Variants in TSPAN4 observed in about 807,000 individuals in gnomAD.
TSPAN4 encodes the protein tetraspanin-4.
Under a neutral mutation model 31.5 loss-of-function variants are expected in TSPAN4, and 38 were observed. The observed-to-expected ratio is 1.21, with a 90% confidence interval of 0.93 to 1.58. The LOEUF (loss-of-function observed/expected upper bound fraction) is 1.58, where lower values mean the gene tolerates loss of function less well. TSPAN4 is among the 40% of genes most tolerant of loss of function. The pLI, the probability that TSPAN4 is intolerant of heterozygous loss-of-function variation, is 0.00. For synonymous variants in TSPAN4, 186 were observed against 144.6 expected, an observed-to-expected ratio of 1.29 and a Z score of -2.06; for missense variants, 330 against 317.3, an observed-to-expected ratio of 1.04 and a Z score of -0.30.
chr11:852,156 C>A (rs1303210342), intron 3 of TSPAN4, among the ~76,000 whole-genome samples: 1 of 152,172 alleles, frequency 6.6e-6, no homozygotes, highest in Non-Finnish European at 1.5e-5. Flanking sequence ...GAGATAGAGT[C>A]TTGCTCTGTC....
rs569945154 is a variant in TSPAN4 at position 866,844 on chromosome 11, G to T, written c.*214G>T. On this transcript the variant is annotated 3_prime_UTR_variant, in exon 9 of 9. Coordinates refer to ENST00000397397, the MANE Select transcript of TSPAN4 (RefSeq NM_003271.5). ...GACCCCCCCTGGGAGGGGTGGCCAC[G>T]TGCTGGCTGCGGAACCCAGGGCAGG... 5.6e-6 allele frequency: 3 copies of T among 537,406 alleles called. No homozygotes were observed. In the East Asian group the frequency reaches 9.4e-5, roughly 17 times the overall value. The allele number at this position is 537,406 out of a possible 1,614,324, so 33.3% of individuals were successfully genotyped here. A position where few individuals can be genotyped will look rare whatever the true frequency, so the allele number is the denominator to read the frequency against.
intron 5 of TSPAN4, 58 bp downstream of exon 5, chr11:864,569 C>T: frequency 3.8e-6 from 6 of 1,596,712 alleles, no homozygotes; most frequent in Non-Finnish European, 5.1e-6. Context: ...TCCTCACTCC[C>T]AGGGAGCACT....
In TSPAN4 at chr11:864,504, C is replaced by A. The variant is rs373247920; in HGVS notation, c.323C>A (p.Thr108Lys). 1.2e-6 allele frequency: 2 copies of A among 1,612,384 alleles called. No homozygotes were observed. The highest frequency in any genetic ancestry group is 1.7e-6 in the Non-Finnish European group (2 of 1,179,942). ...ATIAILFFAY[T>K]DKIDRYAQQD... ...ATCGCCATCCTCTTCTTCGCCTACACGGACAAGGTACGGCTGCCTTGGCCG... is the reference window on the plus strand; with the variant it reads ...ATCGCCATCCTCTTCTTCGCCTACAAGGACAAGGTACGGCTGCCTTGGCCG... Residue 108 changes from threonine to lysine, a missense_variant, in exon 5 of 9, where the codon ACG becomes AAG. Thr to Lys is a moderately conservative substitution (Grantham distance 78). Coordinates refer to ENST00000397397, the MANE Select transcript of TSPAN4 (RefSeq NM_003271.5).
intron 8 of TSPAN4, among the ~76,000 whole-genome samples, chr11:866,215 G>T (rs1377501327): frequency 1.3e-5 from 2 of 152,156 alleles, no homozygotes; most frequent in African/African-American, 4.8e-5. Flanking sequence ...GGTGTGGGGT[G>T]GAGGCCGGTG....
rs550150061 is a variant in TSPAN4, at chr11:866,826, C to A, written c.*196C>A. On this transcript the variant is annotated 3_prime_UTR_variant, in exon 9 of 9. Coordinates refer to ENST00000397397, the MANE Select transcript of TSPAN4 (RefSeq NM_003271.5). Reference sequence around the variant, plus strand: ...GTGGCTTCAGGGCCTCCGGACCCCCCCTGGGAGGGGTGGCCACGTGCTGGC... The same window carrying A: ...GTGGCTTCAGGGCCTCCGGACCCCCACTGGGAGGGGTGGCCACGTGCTGGC... The A allele has an allele frequency of 5.2e-6, 3 of 576,082 alleles. No individual in the cohort carries two copies. Among genetic ancestry groups the A allele is most frequent in the Non-Finnish European group, 8.9e-6 (3 of 338,030 alleles). The allele number at this position is 576,082 out of a possible 1,614,324, so 35.7% of individuals were successfully genotyped here.
intron 3 of TSPAN4, among the ~76,000 whole-genome samples, chr11:860,025 C>T (rs962355567): frequency 1.3e-5 from 2 of 152,156 alleles, no homozygotes; most frequent in South Asian, 2.1e-4. Context: ...GGGCTCTGGG[C>T]GTGGGTGTCA....
intron 1 of TSPAN4, among the ~76,000 whole-genome samples, chr11:845,215 C>A (rs1216704331): frequency 1.3e-5 from 2 of 152,208 alleles, no homozygotes; most frequent in Non-Finnish European, 2.9e-5. Flanking sequence ...TGTGTGCTCA[C>A]CCCCAGGGTG....
chr11:849,651 C>T (rs1261840232), intron 2 of TSPAN4, among the ~76,000 whole-genome samples: 1 of 151,620 alleles, frequency 6.6e-6, no homozygotes, highest in Non-Finnish European at 1.5e-5. Flanking sequence ...GGGGCGCCGG[C>T]GCGGGCGAAG....
At chr11:862,150 T>A (rs1302471347) in intron 3 of TSPAN4, 3 of 173,604 alleles carry the variant, frequency 1.7e-5, no homozygotes, top group African/African-American at 7.1e-5. Flanking sequence ...GCCTGTCAGG[T>A]GGGGAGTGAG....
At position 854,354 on chromosome 11, in the gene TSPAN4, C is replaced by T. The variant is rs970083985; in HGVS notation, c.63+3987C>T. 5.3e-4 allele frequency among the ~76,000 whole-genome samples: 81 copies of T among 152,308 alleles called. 1 individual carries two copies. Among genetic ancestry groups the T allele is most frequent in the African/African-American group, 1.6e-3 (67 of 41,564 alleles). ...GGGGTTGGAGTCCCACCTGCCAGTG[C>T]GGGACGCCGGGCAGGTTCTGCCCTC... On this transcript the variant is annotated intron_variant, in intron 3 of 8. Transcript: ENST00000397397.
chr11:864,051 C>T (rs142201741), intron 4 of TSPAN4: 6 of 267,388 alleles, frequency 2.2e-5, no homozygotes, highest in East Asian at 7.9e-5. Flanking sequence ...AGGCACCCAG[C>T]GAGGCACCTG....
At chr11:844,710 G>C (rs1460002520) in intron 1 of TSPAN4, 1 of 152,012 alleles carries the variant, frequency 6.6e-6, no homozygotes, top group African/African-American at 2.4e-5. Flanking sequence ...GGCTTCTGGG[G>C]GGGGGGGTCT....
At position 850,326 on chromosome 11, in the gene TSPAN4, G is replaced by A. The variant is rs1590227971; in HGVS notation, c.22G>A (p.Ala8Thr). 1 of 1,608,148 alleles carries A rather than the reference G, an allele frequency of 6.2e-7. No homozygotes were observed. The highest frequency in any genetic ancestry group is 8.5e-7 in the Non-Finnish European group (1 of 1,179,234). MARACLQ[A>T]VKYLMFAFNL... ...CGGCATGGCGCGCGCCTGCCTCCAG[G>A]CCGTCAAGTACCTCATGTTCGCCTT... The change falls in exon 3 of 9, where the codon GCC (alanine) becomes ACC (threonine). Residue 8 changes from alanine to threonine, a missense_variant. Coordinates refer to ENST00000397397, the MANE Select transcript of TSPAN4 (RefSeq NM_003271.5).
chr11:844,778 C>T (rs1182275404), intron 1 of TSPAN4, among the ~76,000 whole-genome samples: 2 of 152,092 alleles, frequency 1.3e-5, no homozygotes, highest in Non-Finnish European at 2.9e-5. Flanking sequence ...TGTGGAGCCT[C>T]CTGTGGTCAG....
intron 3 of TSPAN4, among the ~76,000 whole-genome samples, chr11:862,134 G>A (rs1334116023): frequency 6.6e-6 from 1 of 152,204 alleles, no homozygotes; most frequent in African/African-American, 2.4e-5. Flanking sequence ...TGGAAAGGCT[G>A]GAGTGGCCTG....
intron 3 of TSPAN4, among the ~76,000 whole-genome samples, chr11:851,341 C>A (rs1847705313): frequency 6.6e-6 from 1 of 152,180 alleles, no homozygotes; most frequent in South Asian, 2.1e-4. Flanking sequence ...TGAACCAGCT[C>A]CTGCAGCTGG....
intron 2 of TSPAN4, among the ~76,000 whole-genome samples, chr11:849,451 C>T (rs1320653474): frequency 1.3e-5 from 2 of 152,136 alleles, no homozygotes; most frequent in Admixed American, 6.5e-5. Flanking sequence ...GTATCGTTCT[C>T]GTGGTTGGAG....
intron 5 of TSPAN4, 68 bp downstream of exon 5, chr11:864,579 T>A: frequency 6.3e-7 from 1 of 1,586,126 alleles, no homozygotes; most frequent in Non-Finnish European, 8.6e-7. Flanking sequence ...CAGGGAGCAC[T>A]GTGGGCCCGG....
rs752411204 is a variant in TSPAN4 at position 865,934 on chromosome 11, TGAA to T, written c.583_585del (p.Lys195del). 6.2e-7 allele frequency: 1 copy of T among 1,613,024 alleles called. No homozygotes were observed. Among genetic ancestry groups the T allele is most frequent in the Non-Finnish European group, 8.5e-7 (1 of 1,179,988 alleles). On this transcript the variant is annotated inframe_deletion, in exon 8 of 9. Transcript: ENST00000397397. ...TCCCTGCAGCCGTGCTACGAGACGG[TGAA>T]GGTGTGGCTTCAGGAGAACCTGCTG...
Sources: allele counts gnomAD v4.1 joint callset (sites outside exome capture counted in the v4.1 genomes callset), GRCh38; gene constraint gnomAD v4.1.1; transcripts MANE v1.5; gene names NCBI Gene and HGNC (gene_info 2026-07-23, HGNC 2026-07-21).